Variants in MCM3AP observed in about 807,000 individuals in gnomAD.
MCM3AP encodes minichromosome maintenance complex component 3 associated protein.
A neutral mutation model predicts 184.1 loss-of-function variants in MCM3AP; 126 were observed. That is an observed-to-expected ratio of 0.68 (90% CI 0.59 to 0.79). The LOEUF is 0.79. Among genes scored for constraint, MCM3AP ranks in the 30% least tolerant of loss-of-function variants. The pLI, the probability that MCM3AP is intolerant of heterozygous loss-of-function variation, is 0.00. For synonymous variants in MCM3AP, 1,002 were observed against 979.3 expected (o/e 1.02, Z -0.43); for missense variants, 2,496 against 2,479.2 (o/e 1.01, Z -0.14).
rs2080998283 is a variant in MCM3AP at position 46,258,942 on chromosome 21, T to C, written c.3731A>G (p.Gln1244Arg). ...QELQCFCKYL[Q>R]RWREAVTARK... The stretch of plus-strand genomic sequence containing the variant: ...CCTGTAGGAACACAGGACTCACCGC[T>C]GTAGATACTTGCAGAAGCACTGAAG... The change falls in exon 16 of 28, where the codon CAG (glutamine) becomes CGG (arginine). Residue 1244 changes from glutamine to arginine, a missense_variant. Around this residue, in one of 5 missense-constraint regions of MCM3AP, gnomAD observed 1,323 missense variants for 1,273.4 expected, o/e 1.04. Transcript: ENST00000291688. 6.2e-7 allele frequency: 1 copy of C among 1,614,162 alleles called. No individual in the cohort carries two copies. Among genetic ancestry groups the C allele is most frequent in the Non-Finnish European group, 8.5e-7 (1 of 1,180,014 alleles).
intron 19 of MCM3AP, 168 bp downstream of exon 19, chr21:46,254,224 T>C: frequency 2.9e-6 from 2 of 700,876 alleles, no homozygotes; most frequent in East Asian, 5.4e-5. Context: ...AAATCTAAAG[T>C]TTCAACTTAA....
upstream of MCM3AP, chr21:46,286,084 CG>C (rs1350825994): frequency 3.3e-5 from 5 of 152,182 alleles, no homozygotes; most frequent in Non-Finnish European, 5.9e-5. Context: ...TGTGGAGGCC[CG>C]GGCGCGCGGA....
intron 9 of MCM3AP, among the ~76,000 whole-genome samples, chr21:46,268,413 G>A (rs1601529906): frequency 6.6e-6 from 1 of 152,170 alleles, no homozygotes; most frequent in Non-Finnish European, 1.5e-5. Context: ...CACAATCCCT[G>A]TCCCCACATA....
rs750547964 is a variant in MCM3AP at position 46,235,315 on chromosome 21, C to A, written c.5896G>T (p.Ala1966Ser). ...AGCGCAGAGAGATGGAGCTCAGAGG[C>A]AACTTCCTCTTCCCTTGAACTCCGG... ...LIRSSREEEV[A>S]SELHLSALLD... Residue 1966 changes from alanine (A) to serine (S), a missense_variant, in exon 28 of 28, where the codon GCC becomes TCC. Coordinates refer to ENST00000291688, the MANE Select transcript of MCM3AP (RefSeq NM_003906.5). The A allele has an allele frequency of 6.8e-6, 11 of 1,614,204 alleles. No individual in the cohort carries two copies. The South Asian group carries it at 1.2e-4, about 18-fold the overall frequency.
Position 46,264,181 on chromosome 21 carries a change from C to T in MCM3AP, c.3271G>A (p.Ala1091Thr), listed in dbSNP as rs748180665. ...ACTTCCTCACAGTCCCTCTGCAGGG[C>T]CTCCTGGATGAGCTCGTCCACCACC... is the stretch of plus-strand genomic sequence containing the variant. ...AQVVDELIQE[A>T]LQRDCEEVGS... The change falls in exon 13 of 28, where the codon GCC becomes ACC. Residue 1091 changes from alanine to threonine, a missense_variant. Ala to Thr is a moderately conservative substitution (Grantham distance 58). This residue lies in a region of MCM3AP where 1,323 missense variants were observed against 1,273.4 expected (regional missense o/e 1.04). Transcript: ENST00000291688. The T allele has an allele frequency of 6.2e-7, 1 of 1,613,760 alleles. No homozygotes were observed. The highest frequency in any genetic ancestry group is 8.5e-7 in the Non-Finnish European group (1 of 1,179,910).
rs751442472 is a variant in MCM3AP, at chr21:46,261,428, G to A, written c.3336-17C>T. 2 of 1,612,366 alleles carry A rather than the reference G, an allele frequency of 1.2e-6. No individual in the cohort carries two copies. The highest frequency in any genetic ancestry group is 2.2e-5 in the South Asian group (2 of 91,040). The stretch of plus-strand genomic sequence containing the variant: ...TTAGAAACACTAAACGGAGCAAAGG[G>A]GATAGCATTCAAAATCAGAGTCAAG... On this transcript the variant is annotated splice_polypyrimidine_tract_variant and intron_variant, in intron 13 of 27. Coordinates refer to ENST00000291688, the MANE Select transcript of MCM3AP (RefSeq NM_003906.5).
chr21:46,277,487 C>A, intron 5 of MCM3AP, 40 bp downstream of exon 5: 1 of 1,464,312 alleles, frequency 6.8e-7, no homozygotes, highest in South Asian at 1.4e-5. Context: ...AGATGACGAC[C>A]TCACCAGGCC....
rs2081078273 is a variant in MCM3AP at position 46,264,207 on chromosome 21, T to C, written c.3245A>G (p.Gln1082Arg). 2 of 1,611,656 alleles carry C rather than the reference T, an allele frequency of 1.2e-6. No homozygotes were observed. The highest frequency in any genetic ancestry group is 2.2e-5 in the East Asian group (1 of 44,838). Residue 1082 changes from glutamine to arginine, a missense_variant, in exon 13 of 28, where the codon CAG becomes CGG. Around this residue, in one of 5 missense-constraint regions of MCM3AP, gnomAD observed 1,323 missense variants for 1,273.4 expected, o/e 1.04. Transcript: ENST00000291688. ...VPMYSDEDLA[Q>R]VVDELIQEAL... is the part of the protein sequence containing the mutation. ...CTCCTGGATGAGCTCGTCCACCACCTGCGCCAGGTCCTGTGGAGAGACCAG... is the reference window on the plus strand; with the variant it reads ...CTCCTGGATGAGCTCGTCCACCACCCGCGCCAGGTCCTGTGGAGAGACCAG...
At chr21:46,275,966 C>T (rs1343862046) in intron 5 of MCM3AP, among the ~76,000 whole-genome samples, 2 of 152,038 alleles carry the variant, frequency 1.3e-5, no homozygotes, top group South Asian at 2.1e-4. Flanking sequence ...AATTCTAATA[C>T]CTGGGCCCGG....
intron 10 of MCM3AP, chr21:46,266,772 A>G (rs1250076657): frequency 5.4e-6 from 3 of 560,218 alleles, no homozygotes; most frequent in South Asian, 2.4e-5. Flanking sequence ...TGGAGTCACA[A>G]AGAACTTGGT....
intron 22 of MCM3AP, among the ~76,000 whole-genome samples, chr21:46,245,718 C>T (rs549059795): frequency 4.6e-5 from 7 of 152,238 alleles, no homozygotes; most frequent in African/African-American, 1.7e-4. Context: ...AGGCTGGTCT[C>T]AAACTCCTGA....
At chr21:46,238,987 C>T (rs985799612) in intron 26 of MCM3AP, among the ~76,000 whole-genome samples, 2 of 152,132 alleles carry the variant, frequency 1.3e-5, no homozygotes, top group African/African-American at 2.4e-5. Flanking sequence ...ACAAGAAGGT[C>T]GGAGATGGGC....
At position 46,244,863 on chromosome 21, in the gene MCM3AP, A is replaced by G; in HGVS notation, c.4982T>C (p.Leu1661Pro). The G allele has an allele frequency of 1.2e-6, 2 of 1,614,234 alleles. No individual in the cohort carries two copies. The highest frequency in any genetic ancestry group is 1.7e-6 in the Non-Finnish European group (2 of 1,180,038). The change falls in exon 23 of 28, where the codon CTG becomes CCG. Residue 1661 changes from leucine to proline, a missense_variant. Around this residue, in one of 5 missense-constraint regions of MCM3AP, gnomAD observed 1,323 missense variants for 1,273.4 expected, o/e 1.04. Coordinates refer to ENST00000291688, the MANE Select transcript of MCM3AP (RefSeq NM_003906.5). ...CTGGAACCCGAGCACAGCCTGCTTCAGCCAGGCCAGGTGCTCTGGGGCATT... is the reference window on the plus strand; with the variant it reads ...CTGGAACCCGAGCACAGCCTGCTTCGGCCAGGCCAGGTGCTCTGGGGCATT... ...HWNAPEHLAW[L>P]KQAVLGFQLP...
At chr21:46,274,113 T>C (rs1334240279) in intron 6 of MCM3AP, among the ~76,000 whole-genome samples, 1 of 152,040 alleles carries the variant, frequency 6.6e-6, no homozygotes, top group East Asian at 1.9e-4. Flanking sequence ...GGCATGTGCC[T>C]CTCCTGGGGC....
intron 13 of MCM3AP, among the ~76,000 whole-genome samples, chr21:46,262,817 A>G (rs956892929): frequency 6.6e-6 from 1 of 150,666 alleles, no homozygotes; most frequent in African/African-American, 2.4e-5. Flanking sequence ...AATACAAAAA[A>G]TTAGCCGGGC....
At chr21:46,279,924 C>T in intron 4 of MCM3AP, 69 bp downstream of exon 4, 1 of 1,484,014 alleles carries the variant, frequency 6.7e-7, no homozygotes, top group Non-Finnish European at 9.1e-7. Flanking sequence ...CACCCTGACT[C>T]AGGTGTCGCT....
chr21:46,285,335 T>A lies in MCM3AP; in HGVS notation c.-49A>T. The stretch of plus-strand genomic sequence containing the variant: ...TAATTAAGTATTATGTGTACAAAAT[T>A]AATTGGCTTCCTGAAACAGCCTGTA... On this transcript the variant is annotated 5_prime_UTR_variant, in exon 1 of 28. Transcript: ENST00000291688. 1 of 1,341,992 alleles carries A rather than the reference T, an allele frequency of 7.5e-7. No homozygotes were observed. Among genetic ancestry groups the A allele is most frequent in the Non-Finnish European group, 1.1e-6 (1 of 949,344 alleles). 83.1% of individuals were successfully genotyped at this position (1,341,992 alleles called of 1,614,324 possible).
chr21:46,271,483 C>T, intron 8 of MCM3AP, among the ~76,000 whole-genome samples: 1 of 152,064 alleles, frequency 6.6e-6, no homozygotes, highest in East Asian at 1.9e-4. Context: ...CACACATCAC[C>T]ACACCTGGTT....
Position 46,270,538 on chromosome 21 carries a change from C to T in MCM3AP, c.2491G>A (p.Val831Ile), listed in dbSNP as rs1283681290. 2 of 1,612,756 alleles carry T rather than the reference C, an allele frequency of 1.2e-6. No homozygotes were observed. Among genetic ancestry groups the T allele is most frequent in the African/African-American group, 1.3e-5 (1 of 74,910 alleles). ...AATTTCACCTCAGATGAGTTTCTAA[C>T]AGCAGGATGGAACTGTTGTACTTCT... Reference protein sequence around the residue: ...LREVQQFHPAVRNSSEVKFAV... With the variant: ...LREVQQFHPAIRNSSEVKFAV... Residue 831 changes from valine (V) to isoleucine (I), a missense_variant, in exon 9 of 28, where the codon GTT becomes ATT. Around this residue, in one of 5 missense-constraint regions of MCM3AP, gnomAD observed 138 missense variants for 191.9 expected, o/e 0.72. Transcript: ENST00000291688.
Sources: gnomAD v4.1 joint callset for allele counts (sites outside exome capture counted in the v4.1 genomes callset) on GRCh38, gnomAD v4.1.1 for gene constraint, gnomAD v4.1.1 regional missense constraint, MANE v1.5 for transcripts, NCBI Gene and HGNC (gene_info 2026-07-23, HGNC 2026-07-21) for gene names.